The following TRIP12 variants were observed in gnomAD, a reference collection of about 807,000 sequenced individuals.
The protein encoded by TRIP12 is E3 ubiquitin-protein ligase TRIP12.
In TRIP12, 25 loss-of-function variants were observed where a neutral mutation model predicts 244.2. The observed-to-expected ratio is 0.10, with a 90% confidence interval of 0.07 to 0.14. The LOEUF (loss-of-function observed/expected upper bound fraction) is 0.14. Among genes scored for constraint, TRIP12 ranks in the 10% least tolerant of loss-of-function variants. The pLI is 1.00. For synonymous variants in TRIP12, 905 were observed against 873.1 expected (o/e 1.04, Z -0.64); for missense variants, 1,677 against 2,486.4 (o/e 0.67, Z 6.92).
chr2:229,838,142 G>A lies in TRIP12; in HGVS notation c.1134-1158C>T, dbSNP rs1047745124. Among the ~76,000 whole-genome samples, 4 of 152,000 alleles carry A rather than the reference G, an allele frequency of 2.6e-5. No homozygotes were observed. In the South Asian group the frequency reaches 8.3e-4, roughly 32 times the overall value. On this transcript the variant is annotated intron_variant, in intron 5 of 41. Coordinates refer to ENST00000675903, the MANE Select transcript of TRIP12 (RefSeq NM_001348323.3). The stretch of plus-strand genomic sequence containing the variant: ...CAAAGGAAGGCTCTGGCTTACCTGA[G>A]AGCACTGGAAGAGTTTATTCTCATT...
At chr2:229,886,881 A>G (rs2066139743) in intron 1 of TRIP12, among the ~76,000 whole-genome samples, 1 of 152,244 alleles carries the variant, frequency 6.6e-6, no homozygotes, top group South Asian at 2.1e-4. Flanking sequence ...TGTGCTTAGC[A>G]TGTACCAGGC....
chr2:229,860,461 G>C lies in TRIP12; in HGVS notation c.169C>G (p.Pro57Ala), dbSNP rs181421696. The change falls in exon 3 of 42, where the codon CCC becomes GCC. Residue 57 changes from proline to alanine, a missense_variant. Physicochemically the swap from Pro to Ala is conservative, Grantham distance 27 (BLOSUM62 -1). Around this residue, in one of 11 missense-constraint regions of TRIP12, gnomAD observed 387 missense variants for 392.6 expected, o/e 0.99. Coordinates refer to ENST00000675903, the MANE Select transcript of TRIP12 (RefSeq NM_001348323.3). ...GAAGTAGTATTAGACTGCACTTTGG[G>C]TGCCTTAGAATTAGATTTTCTACTC... ...PESRKSNSKA[P>A]KVQSNTTSEL... The C allele has an allele frequency of 1.9e-6, 3 of 1,611,876 alleles. No individual in the cohort carries two copies. In the Admixed American group the frequency reaches 5.0e-5, roughly 27 times the overall value.
intron 1 of TRIP12, among the ~76,000 whole-genome samples, chr2:229,915,484 A>G (rs1229026578): frequency 6.6e-6 from 1 of 152,158 alleles, no homozygotes; most frequent in Non-Finnish European, 1.5e-5. Context: ...CCATTACAAA[A>G]TATTTCCACT....
At chr2:229,872,141 T>C (rs185486893) in intron 2 of TRIP12, among the ~76,000 whole-genome samples, 2,057 of 139,172 alleles carry the variant, frequency 0.015, 34 homozygotes, top group Non-Finnish European at 0.017. Flanking sequence ...AAGAAGCCTA[T>C]ATTAAGGCCA....
At chr2:229,860,572 G>T (rs1225144796) in intron 2 of TRIP12, 41 bp from the exon 3 acceptor site, 2 of 1,555,810 alleles carry the variant, frequency 1.3e-6, no homozygotes, top group African/African-American at 1.4e-5. Flanking sequence ...TCAGGAAACT[G>T]AGATGCAAAT....
Position 229,815,178 on chromosome 2 carries a change from C to T in TRIP12, c.1652G>A (p.Arg551Gln). The change falls in exon 11 of 42, where the codon CGA becomes CAA. Residue 551 changes from arginine (R) to glutamine (Q), a missense_variant. By Grantham distance (43) the Arg-to-Gln change is conservative (BLOSUM62 1). Around this residue, in one of 11 missense-constraint regions of TRIP12, gnomAD observed 572 missense variants for 867.8 expected, o/e 0.66. Coordinates refer to ENST00000675903, the MANE Select transcript of TRIP12 (RefSeq NM_001348323.3). ...HNFDIMNHAC[R>Q]ALTYMMEALP... ...TGCTTCCATCATGTATGTTAAGGCT[C>T]GACAAGCATGGTTCATCTAGAAAAG... 6.2e-7 allele frequency: 1 copy of T among 1,612,552 alleles called. No individual in the cohort carries two copies. Among genetic ancestry groups the T allele is most frequent in the Non-Finnish European group, 8.5e-7 (1 of 1,179,444 alleles).
chr2:229,850,719 G>C (rs1453803803), intron 4 of TRIP12, among the ~76,000 whole-genome samples: 1 of 152,244 alleles, frequency 6.6e-6, no homozygotes, highest in Non-Finnish European at 1.5e-5. Context: ...GGTGTGGAGG[G>C]AGAGGCGCGA....
At chr2:229,769,196 A>C in intron 40 of TRIP12, 35 bp downstream of exon 40, 1 of 1,587,518 alleles carries the variant, frequency 6.3e-7, no homozygotes, top group Non-Finnish European at 8.6e-7. Flanking sequence ...CATTCTTCAG[A>C]ATCAACAGAA....
At chr2:229,886,933 A>G (rs956233252) in intron 1 of TRIP12, among the ~76,000 whole-genome samples, 1 of 152,238 alleles carries the variant, frequency 6.6e-6, no homozygotes, top group African/African-American at 2.4e-5. Context: ...AACTTTACAA[A>G]ACTGGTAGTG....
chr2:229,918,446 A>G (rs1409416869), intron 1 of TRIP12, among the ~76,000 whole-genome samples: 1 of 152,214 alleles, frequency 6.6e-6, no homozygotes, highest in Non-Finnish European at 1.5e-5. Context: ...GGTTCTGTAA[A>G]GAAAACAGTG....
chr2:229,826,996 A>T (rs1193381186), intron 8 of TRIP12, among the ~76,000 whole-genome samples: 1 of 152,104 alleles, frequency 6.6e-6, no homozygotes, highest in Non-Finnish European at 1.5e-5. Flanking sequence ...AAAGAAATTA[A>T]CTGGCCAGGC....
At chr2:229,919,919 G>A (rs2076184311) in intron 1 of TRIP12, among the ~76,000 whole-genome samples, 1 of 152,204 alleles carries the variant, frequency 6.6e-6, no homozygotes, top group Non-Finnish European at 1.5e-5. Context: ...AGCAGGAAGT[G>A]TCAAAAGAAA....
Position 229,797,797 on chromosome 2 carries a change from G to A in TRIP12, c.3517C>T (p.His1173Tyr). Reference sequence around the variant, plus strand: ...CTGAAATAACGTTCTACAAATTTATGTGCCTGCTCCTTAATCCAACCTTTA... The same window carrying A: ...CTGAAATAACGTTCTACAAATTTATATGCCTGCTCCTTAATCCAACCTTTA... ...KIKGWIKEQA[H>Y]KFVERYFSSE... The change falls in exon 24 of 42, where the codon CAT (histidine) becomes TAT (tyrosine). Residue 1173 changes from histidine to tyrosine, a missense_variant. Around this residue, in one of 11 missense-constraint regions of TRIP12, gnomAD observed 572 missense variants for 867.8 expected, o/e 0.66. Transcript: ENST00000675903. 1 of 1,613,948 alleles carries A rather than the reference G, an allele frequency of 6.2e-7. No homozygotes were observed. The highest frequency in any genetic ancestry group is 8.5e-7 in the Non-Finnish European group (1 of 1,179,900).
chr2:229,792,962 A>T lies in TRIP12; in HGVS notation c.4141+11T>A. ...CATATATAACACACGAAACAAATAT[A>T]TGGAAAGTACCTCTAACTACAAGGT... On this transcript the variant is annotated intron_variant, in intron 27 of 41. Transcript: ENST00000675903. The T allele has an allele frequency of 6.2e-7, 1 of 1,607,816 alleles. No homozygotes were observed. Among genetic ancestry groups the T allele is most frequent in the Non-Finnish European group, 8.5e-7 (1 of 1,177,514 alleles).
chr2:229,773,998 G>A, intron 38 of TRIP12, 99 bp downstream of exon 38: 1 of 1,269,832 alleles, frequency 7.9e-7, no homozygotes, highest in Non-Finnish European at 1.1e-6. Flanking sequence ...GGATGTGGAA[G>A]GTCTCAAGCC....
Position 229,836,956 on chromosome 2 carries a change from C to T in TRIP12, c.1162G>A (p.Gly388Arg). The T allele has an allele frequency of 6.3e-7, 1 of 1,587,062 alleles. No individual in the cohort carries two copies. ...SRRGSGLGKR[G>R]AAEARRQEKM... ...TCCTGTCGACGAGCTTCAGCTGCTC[C>T]TCTTTTGCCCAGGCCAGAGCCTCGC... The change falls in exon 6 of 42, where the codon GGA becomes AGA. Residue 388 changes from glycine (G) to arginine (R), a missense_variant. Transcript: ENST00000675903.
chr2:229,874,124 G>A (rs2063179776), intron 2 of TRIP12, among the ~76,000 whole-genome samples: 1 of 151,278 alleles, frequency 6.6e-6, no homozygotes, highest in Non-Finnish European at 1.5e-5. Context: ...TAATAAAAGA[G>A]TAAGTATCTC....
Position 229,765,068 on chromosome 2 carries a change from A to C in TRIP12, c.*2486T>G, listed in dbSNP as rs1181350019. The C allele has an allele frequency of 6.6e-6, 1 of 152,222 alleles. No homozygotes were observed. Among genetic ancestry groups the C allele is most frequent in the Non-Finnish European group, 1.5e-5 (1 of 68,042 alleles). The allele number at this position is 152,222 out of a possible 1,614,324, so 9.4% of individuals were successfully genotyped here. ...TCTGGGGGGATAGGAAGAGGGGATT[A>C]CATTTAGCTACCTCTTCCTTCTTGG... On this transcript the variant is annotated 3_prime_UTR_variant, in exon 42 of 42. Coordinates refer to ENST00000675903, the MANE Select transcript of TRIP12 (RefSeq NM_001348323.3).
At position 229,836,833 on chromosome 2, in the gene TRIP12, G is replaced by A. The variant is rs1384617017; in HGVS notation, c.1270+15C>T. On this transcript the variant is annotated intron_variant, in intron 6 of 41. Coordinates refer to ENST00000675903, the MANE Select transcript of TRIP12 (RefSeq NM_001348323.3). ...AGACAGAAACGCATTTTAAAGCTAAGAAGTACCAATCTACCTGCAGCTCCT... is the reference window on the plus strand; with the variant it reads ...AGACAGAAACGCATTTTAAAGCTAAAAAGTACCAATCTACCTGCAGCTCCT... The A allele has an allele frequency of 5.1e-6, 8 of 1,583,582 alleles. No individual in the cohort carries two copies. In the East Asian group the frequency reaches 1.9e-4, roughly 38 times the overall value.
Sources: allele counts gnomAD v4.1 joint callset (sites outside exome capture counted in the v4.1 genomes callset), GRCh38; gene constraint gnomAD v4.1.1; regional missense constraint gnomAD v4.1.1; transcripts MANE v1.5; gene names NCBI Gene and HGNC (gene_info 2026-07-23, HGNC 2026-07-21).